Variants in CADM2 observed in about 807,000 individuals in gnomAD.
The protein encoded by CADM2 is cell adhesion molecule 2.
A neutral mutation model predicts 49.8 loss-of-function variants in CADM2; 12 were observed. That is an observed-to-expected ratio of 0.24 (90% confidence interval 0.15 to 0.39). The LOEUF (loss-of-function observed/expected upper bound fraction) is 0.39. Ranked by LOEUF, CADM2 falls within the 10% of genes least tolerant of loss-of-function variation. CADM2 has a pLI of 1.00. For missense variants in CADM2, 378 were observed against 492.3 expected, an observed-to-expected ratio of 0.77 and a Z score of 2.20; for synonymous variants, 214 against 175.4, an observed-to-expected ratio of 1.22 and a Z score of -1.74.
At chr3:85,358,413 G>C (rs2032053424) in intron 1 of CADM2, among the ~76,000 whole-genome samples, 1 of 152,064 alleles carries the variant, frequency 6.6e-6, no homozygotes, top group African/African-American at 2.4e-5. Context: ...ATATAGTTCA[G>C]AACCAGGGAA....
chr3:85,678,811 G>C (rs2065958144), intron 1 of CADM2, among the ~76,000 whole-genome samples: 1 of 152,168 alleles, frequency 6.6e-6, no homozygotes, highest in Non-Finnish European at 1.5e-5. Context: ...CAGGGTGGCA[G>C]ATCTCAACTG....
intron 1 of CADM2, among the ~76,000 whole-genome samples, chr3:85,416,866 T>C (rs2035942348): frequency 1.3e-5 from 2 of 152,208 alleles, no homozygotes; most frequent in African/African-American, 4.8e-5. Context: ...AAAAGTCCTA[T>C]ATCTCTGTCT....
chr3:85,533,974 A>C (rs2061373549), intron 1 of CADM2, among the ~76,000 whole-genome samples: 3 of 152,192 alleles, frequency 2.0e-5, no homozygotes. Flanking sequence ...TCATTTAGAA[A>C]TGCCATAGTC....
Position 84,997,183 on chromosome 3 carries a change from G to A in CADM2, c.61+37515G>A, listed in dbSNP as rs139471877. ...ATTTGTCCAATAAAATTATTTTACT[G>A]CCTTCTGGAATGGATTTCCACATCT... On this transcript the variant is annotated intron_variant, in intron 1 of 9. Coordinates refer to ENST00000383699, the MANE Select transcript of CADM2 (RefSeq NM_001167675.2). Among the ~76,000 whole-genome samples the A allele has an allele frequency of 4.4e-3, 669 of 152,130 alleles. 3 individuals carry two copies. The highest frequency in any genetic ancestry group is 0.015 in the African/African-American group (622 of 41,544).
At chr3:85,956,064 T>C (rs1366980037) in intron 7 of CADM2, among the ~76,000 whole-genome samples, 5 of 151,664 alleles carry the variant, frequency 3.3e-5, no homozygotes, top group Non-Finnish European at 7.4e-5. Context: ...TTTAATTATT[T>C]GGGCTGGTTA....
rs752550127 is a variant in CADM2, at chr3:85,897,241, C to CTTTTTTTTT, written c.529+10945_529+10953dup. 2.0e-3 allele frequency among the ~76,000 whole-genome samples: 90 copies of CTTTTTTTTT among 45,920 alleles called. 21 individuals are homozygous for CTTTTTTTTT. Among genetic ancestry groups the CTTTTTTTTT allele is most frequent in the East Asian group, 2.8e-3 (4 of 1,414 alleles). The allele number at this position is 45,920 out of a possible 152,430, so 30.1% of individuals were successfully genotyped here. A position where few individuals can be genotyped will look rare whatever the true frequency, so the allele number is the denominator to read the frequency against. On this transcript the variant is annotated intron_variant, in intron 5 of 9. Coordinates refer to ENST00000383699, the MANE Select transcript of CADM2 (RefSeq NM_001167675.2). ...CAACAATAATTGCTTTAACCTACAT[C>CTTTTTTTTT]TTTTTTTTTTTTTTTTTTTTTTTTT...
At chr3:85,562,176 C>T (rs369885196) in intron 1 of CADM2, among the ~76,000 whole-genome samples, 7 of 151,974 alleles carry the variant, frequency 4.6e-5, no homozygotes, top group Admixed American at 1.3e-4. Flanking sequence ...TGAATCTCCT[C>T]GTAACAACAT....
intron 2 of CADM2, among the ~76,000 whole-genome samples, chr3:85,736,605 G>A: frequency 6.6e-6 from 1 of 152,222 alleles, no homozygotes; most frequent in Admixed American, 6.5e-5. Context: ...GCAGTGCCTT[G>A]ATATTTACAG....
At chr3:85,722,972 A>G (rs539907336) in intron 1 of CADM2, among the ~76,000 whole-genome samples, 1 of 152,282 alleles carries the variant, frequency 6.6e-6, no homozygotes, top group East Asian at 1.9e-4. Context: ...GTACTTTATG[A>G]TTATTTGTAC....
At chr3:85,239,610 G>A (rs2042484457) in intron 1 of CADM2, among the ~76,000 whole-genome samples, 1 of 151,196 alleles carries the variant, frequency 6.6e-6, no homozygotes, top group Non-Finnish European at 1.5e-5. Flanking sequence ...GAAAATGCAT[G>A]GATCATTCTA....
At chr3:85,907,205 A>G (rs1223816049) in intron 5 of CADM2, among the ~76,000 whole-genome samples, 2 of 152,180 alleles carry the variant, frequency 1.3e-5, no homozygotes, top group East Asian at 3.9e-4. Context: ...CAAAATCATT[A>G]AAGGACCACT....
intron 8 of CADM2, among the ~76,000 whole-genome samples, chr3:86,041,420 G>C (rs1390223091): frequency 6.6e-6 from 1 of 152,066 alleles, no homozygotes; most frequent in Non-Finnish European, 1.5e-5. Flanking sequence ...AAAAAAGGCA[G>C]GGGTTGCAAT....
rs1470009890 is a variant in CADM2 at position 84,959,002 on chromosome 3, C to G, written c.-606C>G. On this transcript the variant is annotated 5_prime_UTR_variant, in exon 1 of 10. Coordinates refer to ENST00000383699, the MANE Select transcript of CADM2 (RefSeq NM_001167675.2). ...GTCTGGTGCTTCGTAGAGCTGCCGC[C>G]GTCGCCGCTGCCGCTGCCGCCACAG... 4 of 201,488 alleles carry G rather than the reference C, an allele frequency of 2.0e-5. No individual in the cohort carries two copies. The highest frequency in any genetic ancestry group is 1.3e-4 in the Admixed American group (2 of 15,858). The allele number at this position is 201,488 out of a possible 1,614,324, so 12.5% of individuals were successfully genotyped here.
At chr3:85,549,255 A>G (rs947655905) in intron 1 of CADM2, among the ~76,000 whole-genome samples, 4 of 152,234 alleles carry the variant, frequency 2.6e-5, no homozygotes, top group African/African-American at 7.2e-5. Flanking sequence ...AGTTAACAGT[A>G]GTGGGATGAA....
At chr3:85,977,236 G>A (rs1420408235) in intron 8 of CADM2, among the ~76,000 whole-genome samples, 1 of 151,226 alleles carries the variant, frequency 6.6e-6, no homozygotes, top group Non-Finnish European at 1.5e-5. Context: ...ATTCAGTGAT[G>A]GGGCTGATTT....
chr3:85,327,693 A>T (rs2044793500), intron 1 of CADM2, among the ~76,000 whole-genome samples: 1 of 152,048 alleles, frequency 6.6e-6, no homozygotes, highest in South Asian at 2.1e-4. Context: ...ATCACTAGGT[A>T]TTTTATTTCA....
rs529011058 is a variant in CADM2, at chr3:85,021,377, C to T, written c.61+61709C>T. On this transcript the variant is annotated intron_variant, in intron 1 of 9. Transcript: ENST00000383699. Reference sequence around the variant, plus strand: ...TGTCAGGCCACATCTTGGAATTTATCGAGAATGTCACCTTTATGAAAGGAA... The same window carrying T: ...TGTCAGGCCACATCTTGGAATTTATTGAGAATGTCACCTTTATGAAAGGAA... Among the ~76,000 whole-genome samples, 382 of 152,182 alleles carry T rather than the reference C, an allele frequency of 2.5e-3. 5 individuals are homozygous for T. Among genetic ancestry groups the T allele is most frequent in the African/African-American group, 8.9e-3 (371 of 41,518 alleles).
At chr3:85,519,063 A>T (rs1365224269) in intron 1 of CADM2, among the ~76,000 whole-genome samples, 1 of 152,096 alleles carries the variant, frequency 6.6e-6, no homozygotes, top group Non-Finnish European at 1.5e-5. Context: ...GGAATATAGT[A>T]TAATGTAAAT....
chr3:85,142,842 G>A (rs988979568), intron 1 of CADM2, among the ~76,000 whole-genome samples: 2 of 152,122 alleles, frequency 1.3e-5, no homozygotes, highest in Non-Finnish European at 2.9e-5. Flanking sequence ...ATATAAATCA[G>A]GACGATGACC....
Sources: allele counts gnomAD v4.1 joint callset (sites outside exome capture counted in the v4.1 genomes callset), GRCh38; gene constraint gnomAD v4.1.1; transcripts MANE v1.5; gene names NCBI Gene and HGNC (gene_info 2026-07-23, HGNC 2026-07-21).